RAD17: variants seen among roughly 807,000 people sequenced by gnomAD.
RAD17 encodes cell cycle checkpoint protein RAD17.
In RAD17, 31 loss-of-function variants were observed where a neutral mutation model predicts 81.5. That is an observed-to-expected ratio of 0.38 (90% CI 0.29 to 0.51). The LOEUF (loss-of-function observed/expected upper bound fraction) is 0.51. Ranked by LOEUF, RAD17 falls within the 20% of genes least tolerant of loss-of-function variation. The probability of loss-of-function intolerance (pLI) is 0.88; values close to 1 mark genes in which losing one functional copy is unlikely to be tolerated. For missense variants in RAD17, 681 were observed against 781.2 expected (o/e 0.87, Z 1.53); for synonymous variants, 261 against 266.2 (o/e 0.98, Z 0.19).
At chr5:69,398,586 A>G (rs1765047246) in intron 16 of RAD17, among the ~76,000 whole-genome samples, 2 of 151,944 alleles carry the variant, frequency 1.3e-5, no homozygotes, top group Non-Finnish European at 2.9e-5. Context: ...GGCGGGCAGA[A>G]CACAAGGTCA....
At chr5:69,374,814 G>T in intron 6 of RAD17, 103 bp downstream of exon 6, 1 of 1,004,792 alleles carries the variant, frequency 1.0e-6, no homozygotes, top group South Asian at 1.6e-5. Flanking sequence ...TTCAAAATAA[G>T]TCTAGATCTC....
chr5:69,376,620 A>AC (rs1424538412), intron 6 of RAD17, among the ~76,000 whole-genome samples: 2 of 152,224 alleles, frequency 1.3e-5, no homozygotes, highest in Non-Finnish European at 2.9e-5. Flanking sequence ...AGAGTAGTAC[A>AC]TTTGTTAAAA....
intron 15 of RAD17, among the ~76,000 whole-genome samples, chr5:69,395,367 C>T (rs184507688): frequency 2.0e-5 from 3 of 152,154 alleles, no homozygotes; most frequent in African/African-American, 7.2e-5. Flanking sequence ...TAAAAATTAG[C>T]TGGGTATGGT....
rs746518526 is a variant in RAD17 at position 69,400,046 on chromosome 5, C to T, written c.1573-3C>T. ...TCATCTTTTTTTTTTCTTTTCTATACAGTATCGGGAAAATTGCCTGGCAGC... is the reference window on the plus strand; with the variant it reads ...TCATCTTTTTTTTTTCTTTTCTATATAGTATCGGGAAAATTGCCTGGCAGC... On this transcript the variant is annotated splice_region_variant and splice_polypyrimidine_tract_variant and intron_variant, in intron 16 of 18. Transcript: ENST00000354868. The T allele has an allele frequency of 1.5e-5, 23 of 1,564,876 alleles. No individual in the cohort carries two copies. The highest frequency in any genetic ancestry group is 2.0e-5 in the Non-Finnish European group (23 of 1,154,426).
intron 12 of RAD17, among the ~76,000 whole-genome samples, chr5:69,390,823 T>A (rs1358577322): frequency 1.3e-5 from 2 of 150,954 alleles, no homozygotes; most frequent in Non-Finnish European, 2.9e-5. Context: ...GCCAGCATGG[T>A]GGTGCATGTA....
chr5:69,393,170 A>T lies in RAD17; in HGVS notation c.1205A>T (p.Glu402Val). 1 of 1,608,128 alleles carries T rather than the reference A, an allele frequency of 6.2e-7. No individual in the cohort carries two copies. The highest frequency in any genetic ancestry group is 8.5e-7 in the Non-Finnish European group (1 of 1,175,888). Residue 402 changes from glutamate (E) to valine (V), a missense_variant, in exon 14 of 19, where the codon GAA (glutamate) becomes GTA (valine). Glu to Val is a moderately radical substitution (Grantham distance 121, BLOSUM62 -2). Coordinates refer to ENST00000354868, the MANE Select transcript of RAD17 (RefSeq NM_133338.3). The stretch of plus-strand genomic sequence containing the variant: ...TTTTTTATAGGAGCATCTTTAACAG[A>T]ATTAGACTCACCTCGGTTGCCCTCT... ...ILYCKRASLT[E>V]LDSPRLPSHL...
intron 17 of RAD17, among the ~76,000 whole-genome samples, chr5:69,409,378 GT>G (rs772433776): frequency 1.1e-4 from 16 of 152,100 alleles, no homozygotes; most frequent in Non-Finnish European, 2.2e-4. Context: ...GGAGTCCTTT[GT>G]TCTTGGCTGT....
chr5:69,371,182 A>G lies in RAD17; in HGVS notation c.-280+11A>G, dbSNP rs759972067. On this transcript the variant is annotated intron_variant, in intron 2 of 18. Coordinates refer to ENST00000354868, the MANE Select transcript of RAD17 (RefSeq NM_133338.3). The stretch of plus-strand genomic sequence containing the variant: ...TTTTAATGACAAAAGGTAAGTACAT[A>G]GTATGTGTGGTTTTTTTGTTTTTTT... 2.0e-6 allele frequency: 1 copy of G among 506,384 alleles called. No homozygotes were observed. Among genetic ancestry groups the G allele is most frequent in the South Asian group, 1.6e-5 (1 of 62,596 alleles). The allele number at this position is 506,384 out of a possible 1,614,324, so 31.4% of individuals were successfully genotyped here.
intron 17 of RAD17, among the ~76,000 whole-genome samples, chr5:69,404,396 A>AG (rs1765457334): frequency 6.6e-6 from 1 of 152,092 alleles, no homozygotes; most frequent in Non-Finnish European, 1.5e-5. Context: ...CAAAGAATGC[A>AG]ATAGTAAGAA....
chr5:69,413,943 A>T, intron 18 of RAD17, 88 bp from the exon 19 acceptor site: 1 of 1,476,294 alleles, frequency 6.8e-7, no homozygotes, highest in East Asian at 2.3e-5. Context: ...GGTAAATGAA[A>T]GATGGCTTCA....
chr5:69,383,523 C>T (rs1365916182), intron 7 of RAD17, among the ~76,000 whole-genome samples: 4 of 151,876 alleles, frequency 2.6e-5, no homozygotes, highest in Non-Finnish European at 4.4e-5. Flanking sequence ...GGATTACAGG[C>T]GTCCACCACC....
At chr5:69,408,726 G>A (rs1765789119) in intron 17 of RAD17, among the ~76,000 whole-genome samples, 1 of 151,970 alleles carries the variant, frequency 6.6e-6, no homozygotes, top group African/African-American at 2.4e-5. Flanking sequence ...AGCCAGGTTG[G>A]TCTTGAACTC....
Position 69,409,965 on chromosome 5 carries a change from C to T in RAD17, c.1694-528C>T, listed in dbSNP as rs146487303. Among the ~76,000 whole-genome samples the T allele has an allele frequency of 1.6e-3, 243 of 152,260 alleles. 3 individuals are homozygous for T. The highest frequency in any genetic ancestry group is 5.7e-3 in the African/African-American group (237 of 41,552). The stretch of plus-strand genomic sequence containing the variant: ...CTAGTTGCACTTAGAATGATGTCAT[C>T]GCAGTTCATTTGTGTTGGAGCATGT... On this transcript the variant is annotated intron_variant, in intron 17 of 18. Coordinates refer to ENST00000354868, the MANE Select transcript of RAD17 (RefSeq NM_133338.3).
Position 69,407,505 on chromosome 5 carries a change from T to C in RAD17, c.1694-2988T>C, listed in dbSNP as rs1318026651. Among the ~76,000 whole-genome samples, 3 of 151,580 alleles carry C rather than the reference T, an allele frequency of 2.0e-5. No individual in the cohort carries two copies. In the East Asian group the frequency reaches 5.8e-4, roughly 29 times the overall value. On this transcript the variant is annotated intron_variant, in intron 17 of 18. Transcript: ENST00000354868. ...TATGTTCACTTGAAAGTGTTCCACA[T>C]TTTTCTGAGATTTTGTTTATATTTC...
chr5:69,374,923 C>G (rs1036221239), intron 6 of RAD17, among the ~76,000 whole-genome samples: 1 of 152,040 alleles, frequency 6.6e-6, no homozygotes, highest in Non-Finnish European at 1.5e-5. Context: ...CCCAGGAGTT[C>G]GAGAGCAGCC....
chr5:69,369,641 G>A (rs1050196522), upstream of RAD17: 2 of 1,563,124 alleles, frequency 1.3e-6, no homozygotes, highest in African/African-American at 2.7e-5. Context: ...CGGCCCAGCC[G>A]CGGCCCACTG....
At chr5:69,404,955 A>T (rs1182617301) in intron 17 of RAD17, among the ~76,000 whole-genome samples, 1 of 152,144 alleles carries the variant, frequency 6.6e-6, no homozygotes, top group African/African-American at 2.4e-5. Flanking sequence ...GCAAAGGACC[A>T]GATAGACATT....
intron 6 of RAD17, among the ~76,000 whole-genome samples, chr5:69,376,110 G>A (rs1763318351): frequency 6.6e-6 from 1 of 152,154 alleles, no homozygotes; most frequent in South Asian, 2.1e-4. Context: ...AAGTATTTGT[G>A]GTTCTCCTGC....
chr5:69,390,545 A>T (rs1431643796), intron 12 of RAD17, among the ~76,000 whole-genome samples: 1 of 152,170 alleles, frequency 6.6e-6, no homozygotes, highest in African/African-American at 2.4e-5. Context: ...CTCAACATCA[A>T]TAGAGAGGTT....
Sources: gnomAD v4.1 joint callset for allele counts (sites outside exome capture counted in the v4.1 genomes callset) on GRCh38, gnomAD v4.1.1 for gene constraint, MANE v1.5 for transcripts, NCBI Gene and HGNC (gene_info 2026-07-23, HGNC 2026-07-21) for gene names.